The following EXOC3L2 variants were observed in gnomAD, a reference collection of about 807,000 sequenced individuals.
EXOC3L2 encodes exocyst complex component 3 like 2, also known as exocyst complex component 3-like protein 2.
EXOC3L2 carries 17 observed loss-of-function variants against 44.4 expected under a neutral mutation model. That is an observed-to-expected ratio of 0.38 (90% CI 0.26 to 0.57). The LOEUF (loss-of-function observed/expected upper bound fraction) is 0.57. Among genes scored for constraint, EXOC3L2 ranks in the 20% least tolerant of loss-of-function variants. The pLI, the probability that EXOC3L2 is intolerant of heterozygous loss-of-function variation, is 0.65. For missense variants in EXOC3L2, 541 were observed against 588.4 expected (o/e 0.92, Z 0.83); for synonymous variants, 256 against 253.7 (o/e 1.01, Z -0.09).
chr19:45,226,747 C>CTTTTTTTT (rs957385712), intron 7 of EXOC3L2, among the ~76,000 whole-genome samples: 24 of 90,652 alleles, frequency 2.6e-4, no homozygotes, highest in African/African-American at 1.0e-3. Context: ...ACTCCCATCT[C>CTTTTTTTT]TTTTTTTTTT....
chr19:45,241,213 G>A (rs1213624186), intron 1 of EXOC3L2, among the ~76,000 whole-genome samples: 4 of 151,964 alleles, frequency 2.6e-5, no homozygotes, highest in African/African-American at 4.8e-5. Flanking sequence ...AAACCAGGCC[G>A]GGTGCAGTGG....
In EXOC3L2 at chr19:45,226,853, C is replaced by A. The variant is rs576299448; in HGVS notation, c.1583+809G>T. On this transcript the variant is annotated intron_variant, in intron 7 of 11. Transcript: ENST00000413988. ...CTGCAAGCTCCGCCTCCCAGGTTCA[C>A]GCCATTCTCCTGCCTCAGCCTTCGG... 2.0e-5 allele frequency among the ~76,000 whole-genome samples: 3 copies of A among 149,166 alleles called. No homozygotes were observed. In the East Asian group the frequency reaches 5.9e-4, roughly 30 times the overall value.
chr19:45,235,480 G>A (rs1203574198), intron 2 of EXOC3L2, among the ~76,000 whole-genome samples: 4 of 151,916 alleles, frequency 2.6e-5, no homozygotes, highest in Non-Finnish European at 4.4e-5. Flanking sequence ...GAGGGGCAGG[G>A]TGGTGACTTG....
At chr19:45,240,848 G>A (rs1217151916) in intron 1 of EXOC3L2, among the ~76,000 whole-genome samples, 1 of 152,070 alleles carries the variant, frequency 6.6e-6, no homozygotes, top group African/African-American at 2.4e-5. Context: ...AAGTTGCGGT[G>A]AGCTGAGATC....
intron 11 of EXOC3L2, among the ~76,000 whole-genome samples, chr19:45,213,684 C>A (rs947522757): frequency 1.3e-5 from 2 of 152,102 alleles, no homozygotes; most frequent in African/African-American, 4.8e-5. Context: ...GTGGCTCATG[C>A]CTGTAATCCC....
At position 45,219,393 on chromosome 19, in the gene EXOC3L2, C is replaced by CAAAAAAA. The variant is rs950797638; in HGVS notation, c.1720-1081_1720-1075dup. ...TGGGTAACAGAGGGAGGCCCCGTCTCAAAAAAAAAAAAAAAAAAAAAGAGA... is the reference window on the plus strand; with the variant it reads ...TGGGTAACAGAGGGAGGCCCCGTCTCAAAAAAAAAAAAAAAAAAAAAAAAAAAAGAGA... On this transcript the variant is annotated intron_variant, in intron 8 of 11. Transcript: ENST00000413988. 8.2e-4 allele frequency among the ~76,000 whole-genome samples: 42 copies of CAAAAAAA among 51,522 alleles called. 1 individual carries two copies. Among genetic ancestry groups the CAAAAAAA allele is most frequent in the East Asian group, 4.1e-3 (7 of 1,718 alleles). 33.8% of individuals were successfully genotyped at this position (51,522 alleles called of 152,430 possible).
At chr19:45,221,835 A>C (rs1361877855) in intron 8 of EXOC3L2, among the ~76,000 whole-genome samples, 1 of 151,234 alleles carries the variant, frequency 6.6e-6, no homozygotes, top group Non-Finnish European at 1.5e-5. Context: ...TTTTTTGTAG[A>C]GAAGAGGCCT....
At chr19:45,218,913 CAT>C (rs1229328722) in intron 8 of EXOC3L2, among the ~76,000 whole-genome samples, 1 of 152,026 alleles carries the variant, frequency 6.6e-6, no homozygotes, top group East Asian at 1.9e-4. Context: ...GCCTGGGCAA[CAT>C]TGCGAGACCC....
chr19:45,241,477 CAA>C (rs554632176), intron 1 of EXOC3L2, among the ~76,000 whole-genome samples: 23,910 of 94,282 alleles, frequency 0.25, 2,544 homozygotes, highest in South Asian at 0.35. Flanking sequence ...GACTCCATCT[CAA>C]AAAAAAAAAA....
At chr19:45,218,923 C>T (rs1269956660) in intron 8 of EXOC3L2, among the ~76,000 whole-genome samples, 1 of 152,074 alleles carries the variant, frequency 6.6e-6, no homozygotes, top group South Asian at 2.1e-4. Context: ...CATTGCGAGA[C>T]CCCATCTCTA....
intron 11 of EXOC3L2, among the ~76,000 whole-genome samples, chr19:45,214,849 G>A (rs1969816791): frequency 6.6e-6 from 1 of 152,024 alleles, no homozygotes; most frequent in African/African-American, 2.4e-5. Context: ...TATTTCAATA[G>A]CTTTAATTAT....
At chr19:45,226,057 G>C (rs758261931) in intron 7 of EXOC3L2, among the ~76,000 whole-genome samples, 3 of 152,154 alleles carry the variant, frequency 2.0e-5, no homozygotes, top group Non-Finnish European at 4.4e-5. Flanking sequence ...TTTAACATCT[G>C]AACTGGATTC....
chr19:45,243,434 CCT>C (rs1970145871), intron 1 of EXOC3L2, among the ~76,000 whole-genome samples: 1 of 152,090 alleles, frequency 6.6e-6, no homozygotes, highest in Admixed American at 6.6e-5. Flanking sequence ...TCTTTCTTTC[CCT>C]GTTTCAACCC....
intron 9 of EXOC3L2, 128 bp from the exon 10 acceptor site, chr19:45,217,811 G>A: frequency 8.8e-7 from 1 of 1,133,470 alleles, no homozygotes; most frequent in Non-Finnish European, 1.2e-6. Flanking sequence ...CACCCTTCCC[G>A]TGCCCACGCC....
chr19:45,238,961 A>T lies in EXOC3L2; in HGVS notation c.85T>A (p.Phe29Ile). The T allele has an allele frequency of 5.0e-6, 2 of 399,032 alleles. No homozygotes were observed. Among genetic ancestry groups the T allele is most frequent in the Non-Finnish European group, 8.8e-6 (2 of 226,110 alleles). The allele number at this position is 399,032 out of a possible 1,614,324, so 24.7% of individuals were successfully genotyped here. ...TCCTCCAGCCCTGAAACTTCTTCAA[A>T]GGGGTTCCGAGAGGACCTCAGGGGC... Reference protein sequence around the residue: ...TLPLRSSRNPFEEVSGLEEEE... With the variant: ...TLPLRSSRNPIEEVSGLEEEE... The change falls in exon 2 of 12, where the codon TTT becomes ATT. Residue 29 changes from phenylalanine (F) to isoleucine (I), a missense_variant. Transcript: ENST00000413988. The surrounding 1 kb of genome is among the most constrained non-coding windows in gnomAD (Gnocchi z 5.5).
intron 2 of EXOC3L2, among the ~76,000 whole-genome samples, chr19:45,236,202 T>C (rs996763903): frequency 6.6e-6 from 1 of 151,938 alleles, no homozygotes; most frequent in African/African-American, 2.4e-5. Context: ...CCGAGTGCGG[T>C]GGCTCATGCC....
chr19:45,234,153 G>C lies in EXOC3L2; in HGVS notation c.1157+40C>G, dbSNP rs1357853411. ...GAAGCCAGTGCTAGGGGGTAGGGCTGAGGGTTTCACGTGACCTTGGGCAAC... is the reference window on the plus strand; with the variant it reads ...GAAGCCAGTGCTAGGGGGTAGGGCTCAGGGTTTCACGTGACCTTGGGCAAC... On this transcript the variant is annotated intron_variant, in intron 3 of 11. Coordinates refer to ENST00000413988, the MANE Select transcript of EXOC3L2 (RefSeq NM_001382422.1). This position sits in a 1 kb window ranked among gnomAD's most constrained non-coding sequence, Gnocchi z 5.0. 5.1e-6 allele frequency: 2 copies of C among 391,012 alleles called. No individual in the cohort carries two copies. Among genetic ancestry groups the C allele is most frequent in the Non-Finnish European group, 9.0e-6 (2 of 221,146 alleles). 24.2% of individuals were successfully genotyped at this position (391,012 alleles called of 1,614,324 possible). A position where few individuals can be genotyped will look rare whatever the true frequency, so the allele number is the denominator to read the frequency against.
Position 45,234,519 on chromosome 19 carries a change from C to G in EXOC3L2, c.831G>C (p.Arg277=), listed in dbSNP as rs1225648320. The G allele has an allele frequency of 8.1e-6, 2 of 248,360 alleles. No individual in the cohort carries two copies. Among genetic ancestry groups the G allele is most frequent in the Non-Finnish European group, 1.5e-5 (2 of 129,504 alleles). 15.4% of individuals were successfully genotyped at this position (248,360 alleles called of 1,614,324 possible). A position where few individuals can be genotyped will look rare whatever the true frequency, so the allele number is the denominator to read the frequency against. ...GTAGTTTGCGGGCCGCCCCGGGACC[C>G]CGACGCCCGTCGGCCGCCTCCTCCT... is the stretch of plus-strand genomic sequence containing the variant. ...LVQEEAADGR[R]GPGAARKLRA... Residue 277 remains arginine (R), a synonymous_variant, in exon 3 of 12, where the codon CGG becomes CGC. Transcript: ENST00000413988. This position sits in a 1 kb window ranked among gnomAD's most constrained non-coding sequence, Gnocchi z 5.0.
intron 1 of EXOC3L2, 112 bp from the exon 2 acceptor site, chr19:45,239,173 C>T (rs1219523878): frequency 2.6e-6 from 1 of 391,602 alleles, no homozygotes; most frequent in Non-Finnish European, 4.5e-6. Context: ...CTTGCCTGAG[C>T]ACTTAATAAG....
Sources: gnomAD v4.1 joint callset for allele counts (sites outside exome capture counted in the v4.1 genomes callset) on GRCh38, gnomAD v4.1.1 for gene constraint, Gnocchi (gnomAD v3.1) non-coding constraint, MANE v1.5 for transcripts, NCBI Gene and HGNC (gene_info 2026-07-23, HGNC 2026-07-21) for gene names.